The following AKR1B10 variants were observed in gnomAD, a reference collection of about 807,000 sequenced individuals.
AKR1B10 encodes the protein aldo-keto reductase family 1 member B10.
AKR1B10 carries 39 observed loss-of-function variants against 38.9 expected under a neutral mutation model. That is an observed-to-expected ratio of 1.00 (90% CI 0.78 to 1.31). The LOEUF (loss-of-function observed/expected upper bound fraction) is 1.31. Ranked by LOEUF, AKR1B10 falls within the 50% of genes most tolerant of loss-of-function variation. The probability of loss-of-function intolerance (pLI) is 0.00; values close to 1 mark genes in which losing one functional copy is unlikely to be tolerated. For synonymous variants in AKR1B10, 148 were observed against 141.2 expected (o/e 1.05, Z -0.34); for missense variants, 361 against 382.6 (o/e 0.94, Z 0.47).
At chr7:134,538,004 G>A (rs1585757106) in intron 7 of AKR1B10, 190 bp from the exon 8 acceptor site, 3 of 659,192 alleles carry the variant, frequency 4.6e-6, no homozygotes, top group Non-Finnish European at 8.0e-6. Context: ...AGATCACAGG[G>A]TTGTCTCTAA....
chr7:134,533,058 G>GTTGCCATC lies in AKR1B10; in HGVS notation c.406_407insTTGCCATC (p.Ala136ValfsTer22). 1 of 1,598,436 alleles carries GTTGCCATC rather than the reference G, an allele frequency of 6.3e-7. No individual in the cohort carries two copies. The highest frequency in any genetic ancestry group is 8.5e-7 in the Non-Finnish European group (1 of 1,174,392). On this transcript the variant is annotated frameshift_variant, in exon 4 of 10. Transcript: ENST00000359579. LOFTEE classifies it high-confidence loss of function. Reference sequence around the variant, plus strand: ...TAAAGGTAATGCCATCGGTGGAAAAGCAACGTTCTTGGATGCCTGGGAGGT... The same window carrying GTTGCCATC: ...TAAAGGTAATGCCATCGGTGGAAAAGTTGCCATCCAACGTTCTTGGATGCCTGGGAGGT...
At chr7:134,530,577 C>A (rs1163844843) in intron 1 of AKR1B10, 66 bp from the exon 2 acceptor site, 3 of 1,577,172 alleles carry the variant, frequency 1.9e-6, no homozygotes, top group African/African-American at 2.7e-5. Context: ...CCAGCCTGGG[C>A]AACACGGCAG....
intron 4 of AKR1B10, among the ~76,000 whole-genome samples, chr7:134,535,950 T>A (rs62466193): frequency 0.011 from 1,739 of 152,336 alleles, 26 homozygotes; most frequent in Non-Finnish European, 0.015. Flanking sequence ...ATGCCCAATA[T>A]AGGCTAAAAA....
intron 9 of AKR1B10, 62 bp from the exon 10 acceptor site, chr7:134,540,985 C>G (rs1808135451): frequency 8.2e-7 from 1 of 1,212,272 alleles, no homozygotes; most frequent in Non-Finnish European, 1.2e-6. Context: ...ACCTTCTCAA[C>G]CAGAGTTGTT....
At chr7:134,539,080 G>A (rs1372524499) in intron 9 of AKR1B10, 63 bp downstream of exon 9, 1 of 1,597,618 alleles carries the variant, frequency 6.3e-7, no homozygotes, top group Non-Finnish European at 8.6e-7. Flanking sequence ...TAGAGGGTTA[G>A]TTGGAAGGAT....
rs1807900262 is a variant in AKR1B10, at chr7:134,532,949, C to T, written c.352-55C>T. ...GTCAGGATCCTGAAACCTTGTTGAA[C>T]AGAACCAAGTGTCCTGATGCAGATT... On this transcript the variant is annotated intron_variant, in intron 3 of 9. Transcript: ENST00000359579. The T allele has an allele frequency of 4.0e-6, 6 of 1,494,334 alleles. No homozygotes were observed. The South Asian group carries it at 6.1e-5, about 15-fold the overall frequency. 92.6% of individuals were successfully genotyped at this position (1,494,334 alleles called of 1,614,324 possible). A position where few individuals can be genotyped will look rare whatever the true frequency, so the allele number is the denominator to read the frequency against.
At chr7:134,528,852 T>C (rs1454133115) in intron 1 of AKR1B10, among the ~76,000 whole-genome samples, 2 of 152,226 alleles carry the variant, frequency 1.3e-5, no homozygotes, top group Non-Finnish European at 1.5e-5. Context: ...ACGTGGTTCC[T>C]GTACACATTG....
At chr7:134,537,708 G>C in intron 7 of AKR1B10, 47 bp downstream of exon 7, 1 of 1,603,642 alleles carries the variant, frequency 6.2e-7, no homozygotes, top group Non-Finnish European at 8.5e-7. Flanking sequence ...CATTCTTCCA[G>C]TCTCGTGTTT....
At chr7:134,534,382 A>G (rs1237781609) in intron 4 of AKR1B10, among the ~76,000 whole-genome samples, 1 of 152,100 alleles carries the variant, frequency 6.6e-6, no homozygotes, top group Non-Finnish European at 1.5e-5. Flanking sequence ...TTGGCCTCCC[A>G]AAGTGCTCAG....
chr7:134,540,540 G>A (rs1808124656), intron 9 of AKR1B10, among the ~76,000 whole-genome samples: 2 of 152,214 alleles, frequency 1.3e-5, no homozygotes. Flanking sequence ...TATTAGCTGT[G>A]TGACATTGGG....
intron 9 of AKR1B10, 81 bp downstream of exon 9, chr7:134,539,098 C>T (rs1386136909): frequency 6.5e-7 from 1 of 1,535,554 alleles, no homozygotes; most frequent in South Asian, 1.1e-5. Flanking sequence ...GATTGGAAGG[C>T]TGCTGGGACT....
chr7:134,536,151 G>A (rs1807995667), intron 4 of AKR1B10, among the ~76,000 whole-genome samples: 1 of 152,200 alleles, frequency 6.6e-6, no homozygotes, highest in Admixed American at 6.5e-5. Context: ...AGGGACTCAG[G>A]ACCCACAAGT....
At chr7:134,532,149 C>G in intron 3 of AKR1B10, 125 bp downstream of exon 3, 1 of 1,167,110 alleles carries the variant, frequency 8.6e-7, no homozygotes, top group East Asian at 2.4e-5. Flanking sequence ...TTGGGAATGG[C>G]AGGTGGTCAG....
At position 134,538,999 on chromosome 7, in the gene AKR1B10, G is replaced by A. The variant is rs766972954; in HGVS notation, c.890G>A (p.Arg297Lys). The change falls in exon 9 of 10, where the codon AGG (arginine) becomes AAG (lysine). Residue 297 changes from arginine (R) to lysine (K), a missense_variant. By Grantham distance (26) the Arg-to-Lys change is conservative. Transcript: ENST00000359579. ...ATACTCAGCTTCAACAGAAACTGGAGGGCCTGTAACGTGTTGCAGTAAGTG... is the reference window on the plus strand; with the variant it reads ...ATACTCAGCTTCAACAGAAACTGGAAGGCCTGTAACGTGTTGCAGTAAGTG... ...ATILSFNRNW[R>K]ACNVLQSSHL... 17 of 1,614,082 alleles carry A rather than the reference G, an allele frequency of 1.1e-5. No homozygotes were observed. The South Asian group carries it at 1.4e-4, about 14-fold the overall frequency.
chr7:134,530,756 A>G lies in AKR1B10; in HGVS notation c.180A>G (p.Gln60=), dbSNP rs1314392833. ...QNEHEVGEAI[Q]EKIQEKAVKR... is the part of the protein sequence containing the mutation. ...AACATGAAGTGGGGGAAGCCATCCA[A>G]GAGAAGATCCAAGAGAAGGCTGTGA... Residue 60 remains glutamine, a synonymous_variant, in exon 2 of 10, where the codon CAA becomes CAG. Transcript: ENST00000359579. The G allele has an allele frequency of 6.2e-7, 1 of 1,614,038 alleles. No individual in the cohort carries two copies. The highest frequency in any genetic ancestry group is 1.7e-5 in the Admixed American group (1 of 60,022).
intron 9 of AKR1B10, among the ~76,000 whole-genome samples, chr7:134,539,896 T>TCAATG (rs1320713066): frequency 6.6e-6 from 1 of 152,222 alleles, no homozygotes; most frequent in Admixed American, 6.5e-5. Flanking sequence ...TGAATCTCTT[T>TCAATG]CAATGTTTCT....
Position 134,531,972 on chromosome 7 carries a change from T to A in AKR1B10, c.299T>A (p.Leu100Gln). 1 of 1,614,174 alleles carries A rather than the reference T, an allele frequency of 6.2e-7. No homozygotes were observed. The highest frequency in any genetic ancestry group is 1.1e-5 in the South Asian group (1 of 91,080). ...GCCTTTGAGAAGACCCTCAAGGACCTGAAGCTGAGCTATCTGGACGTCTAT... is the reference window on the plus strand; with the variant it reads ...GCCTTTGAGAAGACCCTCAAGGACCAGAAGCTGAGCTATCTGGACGTCTAT... ...RKAFEKTLKD[L>Q]KLSYLDVYLI... Residue 100 changes from leucine to glutamine, a missense_variant, in exon 3 of 10, where the codon CTG becomes CAG. Coordinates refer to ENST00000359579, the MANE Select transcript of AKR1B10 (RefSeq NM_020299.5).
chr7:134,541,126 C>A lies in AKR1B10; in HGVS notation c.*37C>A. On this transcript the variant is annotated 3_prime_UTR_variant, in exon 10 of 10. Transcript: ENST00000359579. The stretch of plus-strand genomic sequence containing the variant: ...CTGGTGAGATTATACAGGAGATTCT[C>A]TTTCTTCGCTGAAGTGTGACTACCT... 1 of 1,471,664 alleles carries A rather than the reference C, an allele frequency of 6.8e-7. No individual in the cohort carries two copies. The highest frequency in any genetic ancestry group is 9.4e-7 in the Non-Finnish European group (1 of 1,059,744). 91.2% of individuals were successfully genotyped at this position (1,471,664 alleles called of 1,614,324 possible). A position where few individuals can be genotyped will look rare whatever the true frequency, so the allele number is the denominator to read the frequency against.
At chr7:134,538,902 ACTGATG>A in intron 8 of AKR1B10, 27 bp from the exon 9 acceptor site, 1 of 1,612,930 alleles carries the variant, frequency 6.2e-7, no homozygotes, top group Non-Finnish European at 8.5e-7. Flanking sequence ...GAATGGCCTT[ACTGATG>A]ATGTATTGGA....
Sources: gnomAD v4.1 joint callset for allele counts (sites outside exome capture counted in the v4.1 genomes callset) on GRCh38, gnomAD v4.1.1 for gene constraint, MANE v1.5 for transcripts, NCBI Gene and HGNC (gene_info 2026-07-23, HGNC 2026-07-21) for gene names.